The following CPNE4 variants were observed in gnomAD, a reference collection of about 807,000 sequenced individuals.
CPNE4 encodes the protein copine-4.
In CPNE4, 25 loss-of-function variants were observed where a neutral mutation model predicts 67.9. That is an observed-to-expected ratio of 0.37 (90% CI 0.27 to 0.51). CPNE4 has a LOEUF of 0.51. CPNE4 is among the 20% of genes least tolerant of loss of function. The pLI is 0.93. For missense variants in CPNE4, 464 were observed against 690.8 expected, an observed-to-expected ratio of 0.67 and a Z score of 3.68; for synonymous variants, 242 against 244.9, an observed-to-expected ratio of 0.99 and a Z score of 0.11.
At chr3:131,969,262 T>C (rs58835191) in intron 1 of CPNE4, among the ~76,000 whole-genome samples, 14 of 151,714 alleles carry the variant, frequency 9.2e-5, no homozygotes, top group African/African-American at 1.5e-4. Flanking sequence ...TGCATGCGGG[T>C]CTTAAAACCT....
At chr3:131,608,264 C>T (rs1459971309) in intron 7 of CPNE4, among the ~76,000 whole-genome samples, 2 of 152,038 alleles carry the variant, frequency 1.3e-5, no homozygotes, top group African/African-American at 2.4e-5. Context: ...TAGGGGAAGT[C>T]AGTTCAAATA....
At chr3:131,709,843 G>T (rs896393072) in intron 3 of CPNE4, among the ~76,000 whole-genome samples, 14 of 152,194 alleles carry the variant, frequency 9.2e-5, no homozygotes, top group African/African-American at 2.9e-4. Flanking sequence ...CACTTTTCTG[G>T]ATGTCTTTAC....
At chr3:131,853,076 T>G (rs1366784270) in intron 2 of CPNE4, among the ~76,000 whole-genome samples, 1 of 151,746 alleles carries the variant, frequency 6.6e-6, no homozygotes, top group Non-Finnish European at 1.5e-5. Flanking sequence ...GACCAGTTTA[T>G]CCTAACATTT....
chr3:131,747,713 C>T (rs2082527619), intron 2 of CPNE4, among the ~76,000 whole-genome samples: 1 of 152,090 alleles, frequency 6.6e-6, no homozygotes, highest in African/African-American at 2.4e-5. Flanking sequence ...ATGCAACTGA[C>T]TTTGCTGAAA....
chr3:131,783,941 T>C (rs765816374), intron 2 of CPNE4, among the ~76,000 whole-genome samples: 3 of 152,138 alleles, frequency 2.0e-5, no homozygotes, highest in Admixed American at 6.6e-5. Context: ...TCCAGGATGA[T>C]TTATTTAGCT....
At chr3:132,023,581 G>C (rs912120734) in intron 1 of CPNE4, among the ~76,000 whole-genome samples, 1 of 140,690 alleles carries the variant, frequency 7.1e-6, no homozygotes, top group Non-Finnish European at 1.5e-5. Context: ...TCCGCCTCCC[G>C]GGTTCACGCC....
chr3:131,649,767 A>T (rs972862360), intron 7 of CPNE4, among the ~76,000 whole-genome samples: 7 of 151,948 alleles, frequency 4.6e-5, no homozygotes, highest in Non-Finnish European at 1.0e-4. Flanking sequence ...GGTACAAAAG[A>T]CCCTCTATTG....
chr3:131,797,220 A>T (rs1389990899), intron 2 of CPNE4, among the ~76,000 whole-genome samples: 1 of 152,186 alleles, frequency 6.6e-6, no homozygotes, highest in Non-Finnish European at 1.5e-5. Context: ...CATGATTTGC[A>T]ATGACCTAGC....
chr3:131,928,382 A>G (rs2107824658), intron 1 of CPNE4, among the ~76,000 whole-genome samples: 1 of 152,334 alleles, frequency 6.6e-6, no homozygotes, highest in South Asian at 2.1e-4. Flanking sequence ...CCTGCTTTAA[A>G]TCTACTTGGC....
intron 2 of CPNE4, among the ~76,000 whole-genome samples, chr3:131,770,936 T>C (rs1323976862): frequency 6.6e-6 from 1 of 152,180 alleles, no homozygotes; most frequent in African/African-American, 2.4e-5. Flanking sequence ...TTTCAAAAGT[T>C]GGATATTTCA....
chr3:131,696,504 G>T, intron 5 of CPNE4, 38 bp downstream of exon 5: 5 of 1,576,258 alleles, frequency 3.2e-6, no homozygotes, highest in Non-Finnish European at 4.4e-6. Context: ...TGCTAGCTTT[G>T]TTACTTCCTT....
intron 1 of CPNE4, among the ~76,000 whole-genome samples, chr3:131,998,886 G>A (rs778423456): frequency 2.0e-5 from 3 of 152,048 alleles, no homozygotes; most frequent in Admixed American, 6.6e-5. Flanking sequence ...ATTATGGAAC[G>A]ATAGTAGTAA....
rs397875543 is a variant in CPNE4, at chr3:131,900,256, G to GA, written c.180+5007dup. On this transcript the variant is annotated intron_variant, in intron 2 of 15. Coordinates refer to ENST00000429747, the MANE Select transcript of CPNE4 (RefSeq NM_130808.3). ...ATATGAAAAGGTGCTCAACATCACT[G>GA]ATCATCAGAAAAATGCAAATCAAAA... Among the ~76,000 whole-genome samples the GA allele has an allele frequency of 4.7e-5, 3 of 64,006 alleles. No individual in the cohort carries two copies. The East Asian group carries it at 1.8e-3, about 39-fold the overall frequency. 42.0% of individuals were successfully genotyped at this position (64,006 alleles called of 152,430 possible).
intron 7 of CPNE4, among the ~76,000 whole-genome samples, chr3:131,639,292 AG>A (rs2079477577): frequency 1.3e-5 from 2 of 152,296 alleles, no homozygotes; most frequent in South Asian, 4.1e-4. Flanking sequence ...AGAAGAAAAA[AG>A]ATCCAAATAA....
At chr3:131,552,175 C>T (rs1037160486) in intron 13 of CPNE4, among the ~76,000 whole-genome samples, 1 of 151,566 alleles carries the variant, frequency 6.6e-6, no homozygotes, top group African/African-American at 2.4e-5. Context: ...TTATTATGGC[C>T]CAAGGAATCC....
intron 2 of CPNE4, among the ~76,000 whole-genome samples, chr3:131,745,752 A>T (rs1486766313): frequency 6.6e-6 from 1 of 152,088 alleles, no homozygotes; most frequent in East Asian, 1.9e-4. Context: ...ACATTGGTCT[A>T]TGGGTATACC....
intron 2 of CPNE4, among the ~76,000 whole-genome samples, chr3:131,870,656 G>T (rs1408977586): frequency 1.3e-5 from 2 of 151,856 alleles, no homozygotes; most frequent in Non-Finnish European, 2.9e-5. Context: ...TTTATAAACA[G>T]CCAACTTCCA....
At chr3:131,832,732 A>G (rs1196760002) in intron 2 of CPNE4, among the ~76,000 whole-genome samples, 1 of 152,184 alleles carries the variant, frequency 6.6e-6, no homozygotes, top group African/African-American at 2.4e-5. Flanking sequence ...CTGTACCTTC[A>G]GTCTCACCCA....
At chr3:131,741,809 A>G (rs1367783062) in intron 2 of CPNE4, among the ~76,000 whole-genome samples, 3 of 152,280 alleles carry the variant, frequency 2.0e-5, no homozygotes, top group South Asian at 4.1e-4. Flanking sequence ...GATGCTCACT[A>G]TCTTGGCCTC....
Sources: gnomAD v4.1 joint callset for allele counts (sites outside exome capture counted in the v4.1 genomes callset) on GRCh38, gnomAD v4.1.1 for gene constraint, MANE v1.5 for transcripts, NCBI Gene and HGNC (gene_info 2026-07-23, HGNC 2026-07-21) for gene names.